Variants in AK3 observed in about 807,000 individuals in gnomAD.
AK3 encodes the protein adenylate kinase 3.
A neutral mutation model predicts 23.7 loss-of-function variants in AK3; 27 were observed. The ratio of observed to expected loss-of-function variants is 1.14; its 90% CI spans 0.84 to 1.57. AK3 has a LOEUF of 1.57. Ranked by LOEUF, AK3 falls within the 40% of genes most tolerant of loss-of-function variation. AK3 has a pLI of 0.00. For synonymous variants in AK3, 159 were observed against 116.0 expected, an observed-to-expected ratio of 1.37 and a Z score of -2.38; for missense variants, 406 against 285.6, an observed-to-expected ratio of 1.42 and a Z score of -3.04.
intron 2 of AK3, among the ~76,000 whole-genome samples, chr9:4,721,029 C>T (rs1397149565): frequency 6.6e-6 from 1 of 152,162 alleles, no homozygotes; most frequent in Non-Finnish European, 1.5e-5. Flanking sequence ...CCCCTTACAC[C>T]TCATAAAGAA....
intron 4 of AK3, among the ~76,000 whole-genome samples, chr9:4,714,603 G>A (rs1841670304): frequency 6.6e-6 from 1 of 152,110 alleles, no homozygotes; most frequent in African/African-American, 2.4e-5. Context: ...GTCACAAGTG[G>A]GTTAATTACT....
chr9:4,721,067 A>G (rs532045766), intron 2 of AK3, among the ~76,000 whole-genome samples: 62 of 152,280 alleles, frequency 4.1e-4, no homozygotes, highest in African/African-American at 1.4e-3. Flanking sequence ...ACTTTTTAAA[A>G]CAAAATTTTG....
rs1441302468 is a variant in AK3 at position 4,709,732 on chromosome 9, T to G, written c.*3244A>C. The G allele has an allele frequency of 6.6e-6, 1 of 152,236 alleles. No individual in the cohort carries two copies. The highest frequency in any genetic ancestry group is 1.5e-5 in the Non-Finnish European group (1 of 68,040). The allele number at this position is 152,236 out of a possible 1,614,324, so 9.4% of individuals were successfully genotyped here. On this transcript the variant is annotated 3_prime_UTR_variant, in exon 5 of 5. Transcript: ENST00000381809. ...CACTATTTTAACTGTTTAAAAATTT[T>G]TTAACCATAACTTCCAAGATGAAAA...
chr9:4,714,104 ACACATATACACACCTC>A (rs1563781198), intron 4 of AK3, among the ~76,000 whole-genome samples: 11 of 1,432 alleles, frequency 7.7e-3, no homozygotes, highest in Non-Finnish European at 0.018. Flanking sequence ...ATACACACCT[ACACATATACACACCTC>A]CACATATACA....
At chr9:4,738,699 T>C (rs1055534106) in intron 1 of AK3, among the ~76,000 whole-genome samples, 1 of 151,850 alleles carries the variant, frequency 6.6e-6, no homozygotes, top group African/African-American at 2.4e-5. Context: ...GATCTTAATT[T>C]ACCTTTTTTA....
intron 1 of AK3, among the ~76,000 whole-genome samples, chr9:4,734,437 T>C (rs1160013785): frequency 1.3e-5 from 2 of 152,238 alleles, no homozygotes; most frequent in African/African-American, 4.8e-5. Flanking sequence ...TCAGTTGCTC[T>C]CTGTGTCTCC....
At chr9:4,725,515 TCCCAG>T (rs1273117966) in intron 1 of AK3, among the ~76,000 whole-genome samples, 1 of 151,190 alleles carries the variant, frequency 6.6e-6, no homozygotes, top group East Asian at 2.0e-4. Flanking sequence ...CTGCCTGTAA[TCCCAG>T]CACTTTGGGA....
intron 1 of AK3, among the ~76,000 whole-genome samples, chr9:4,738,236 G>C (rs939697356): frequency 6.6e-6 from 1 of 152,234 alleles, no homozygotes; most frequent in South Asian, 2.1e-4. Flanking sequence ...CGCCATCTCG[G>C]CTCGCTGCAA....
chr9:4,734,404 C>T (rs1207058320), intron 1 of AK3, among the ~76,000 whole-genome samples: 4 of 152,242 alleles, frequency 2.6e-5, no homozygotes, highest in Admixed American at 6.5e-5. Flanking sequence ...CCCATGCCCA[C>T]ACTCTGTGAG....
intron 1 of AK3, among the ~76,000 whole-genome samples, chr9:4,733,439 G>C (rs1026630875): frequency 6.6e-6 from 1 of 152,188 alleles, no homozygotes; most frequent in African/African-American, 2.4e-5. Flanking sequence ...GGCCCCCAAA[G>C]TCCTTGTTTC....
chr9:4,740,898 G>A, intron 1 of AK3, 39 bp downstream of exon 1: 2 of 1,472,416 alleles, frequency 1.4e-6, no homozygotes, highest in Non-Finnish European at 1.8e-6. Flanking sequence ...TCCGACCCGG[G>A]TGACAGCGCA....
intron 4 of AK3, among the ~76,000 whole-genome samples, chr9:4,715,135 C>T (rs2130871407): frequency 7.0e-6 from 1 of 142,530 alleles, no homozygotes; most frequent in South Asian, 2.3e-4. Flanking sequence ...ATAAGAATCG[C>T]TTGAACCTGG....
At chr9:4,737,976 C>G (rs1404677051) in intron 1 of AK3, among the ~76,000 whole-genome samples, 1 of 152,142 alleles carries the variant, frequency 6.6e-6, no homozygotes, top group Non-Finnish European at 1.5e-5. Context: ...CACAATCCTT[C>G]TGTTGTATTA....
Position 4,712,979 on chromosome 9 carries a change from T to C in AK3, c.681A>G (p.Pro227=). Residue 227 remains proline, a synonymous_variant, in exon 5 of 5, where the codon CCA becomes CCG. Transcript: ENST00000381809. ...PQRSQKASVT[P] ...TAATAGTTACACACATTTCTCCTCA[T>C]GGAGTAACTGAAGCTTTCTGGCTTC... The C allele has an allele frequency of 6.2e-7, 1 of 1,613,058 alleles. No individual in the cohort carries two copies.
At position 4,730,684 on chromosome 9, in the gene AK3, A is replaced by C. The variant is rs1483075365; in HGVS notation, c.152-8059T>G. ...TAGATAATCCTATGTGTAGTCTAAT[A>C]ATCTGTTTTTCATTTATCATGAACT... On this transcript the variant is annotated intron_variant, in intron 1 of 4. Coordinates refer to ENST00000381809, the MANE Select transcript of AK3 (RefSeq NM_016282.4). Among the ~76,000 whole-genome samples the C allele has an allele frequency of 3.3e-5, 5 of 152,302 alleles. No individual in the cohort carries two copies. The East Asian group carries it at 7.7e-4, about 23-fold the overall frequency.
chr9:4,712,933 G>A lies in AK3; in HGVS notation c.*43C>T, dbSNP rs377461213. 116 of 1,596,416 alleles carry A rather than the reference G, an allele frequency of 7.3e-5. No individual in the cohort carries two copies. The highest frequency in any genetic ancestry group is 9.0e-5 in the Non-Finnish European group (105 of 1,170,792). On this transcript the variant is annotated 3_prime_UTR_variant, in exon 5 of 5. Transcript: ENST00000381809. ...AGCAGCTTCTAAATGCAAGGACTAG[G>A]AGGTTTGCCCATCTTACTATTAATA...
In AK3 at chr9:4,740,919, T is replaced by G; in HGVS notation, c.151+18A>C. 1 of 1,535,950 alleles carries G rather than the reference T, an allele frequency of 6.5e-7. No individual in the cohort carries two copies. Among genetic ancestry groups the G allele is most frequent in the East Asian group, 2.7e-5 (1 of 37,554 alleles). ...CCGGGTGACAGCGCACGGCCGGCCCTGGGCCCAGAGCTCCCACCTGTGCCC... is the reference window on the plus strand; with the variant it reads ...CCGGGTGACAGCGCACGGCCGGCCCGGGGCCCAGAGCTCCCACCTGTGCCC... On this transcript the variant is annotated intron_variant, in intron 1 of 4. Coordinates refer to ENST00000381809, the MANE Select transcript of AK3 (RefSeq NM_016282.4).
chr9:4,712,830 A>T lies in AK3; in HGVS notation c.*146T>A. 1.1e-6 allele frequency: 1 copy of T among 881,570 alleles called. No homozygotes were observed. The highest frequency in any genetic ancestry group is 1.6e-6 in the Non-Finnish European group (1 of 609,054). 54.6% of individuals were successfully genotyped at this position (881,570 alleles called of 1,614,324 possible). On this transcript the variant is annotated 3_prime_UTR_variant, in exon 5 of 5. Coordinates refer to ENST00000381809, the MANE Select transcript of AK3 (RefSeq NM_016282.4). ...TATCCGAATCATTTGGCACATCCTTAGTATCCAAAATAAAATCAGTAGAAA... is the reference window on the plus strand; with the variant it reads ...TATCCGAATCATTTGGCACATCCTTTGTATCCAAAATAAAATCAGTAGAAA...
chr9:4,735,887 G>A (rs1842280574), intron 1 of AK3, among the ~76,000 whole-genome samples: 1 of 151,938 alleles, frequency 6.6e-6, no homozygotes, highest in Admixed American at 6.6e-5. Flanking sequence ...AGCCGAGGTG[G>A]GTGGATCACT....
Sources: allele counts gnomAD v4.1 joint callset (sites outside exome capture counted in the v4.1 genomes callset), GRCh38; gene constraint gnomAD v4.1.1; transcripts MANE v1.5; gene names NCBI Gene and HGNC (gene_info 2026-07-23, HGNC 2026-07-21).